Variants in KIF16B observed in about 807,000 individuals in gnomAD.
KIF16B encodes the protein kinesin-like protein KIF16B.
KIF16B carries 98 observed loss-of-function variants against 156.3 expected under a neutral mutation model. That is an observed-to-expected ratio of 0.63 (90% CI 0.53 to 0.74). KIF16B has a LOEUF of 0.74. KIF16B is among the 30% of genes least tolerant of loss of function. The pLI is 0.00. For missense variants in KIF16B, 1,421 were observed against 1,606.5 expected, an observed-to-expected ratio of 0.88 and a Z score of 1.97; for synonymous variants, 564 against 583.7, an observed-to-expected ratio of 0.97 and a Z score of 0.49.
intron 24 of KIF16B, among the ~76,000 whole-genome samples, chr20:16,327,511 C>G (rs2063876716): frequency 1.3e-5 from 2 of 152,048 alleles, no homozygotes; most frequent in South Asian, 4.1e-4. Flanking sequence ...ATGTCTTAAT[C>G]AGTGGTCCAG....
At chr20:16,365,141 G>A (rs1367534542) in intron 22 of KIF16B, among the ~76,000 whole-genome samples, 1 of 151,846 alleles carries the variant, frequency 6.6e-6, no homozygotes, top group African/African-American at 2.4e-5. Flanking sequence ...GACTACTGCA[G>A]TATAACTCTT....
intron 3 of KIF16B, among the ~76,000 whole-genome samples, chr20:16,520,945 G>C (rs906014415): frequency 1.3e-5 from 2 of 152,168 alleles, no homozygotes; most frequent in African/African-American, 4.8e-5. Flanking sequence ...GGGCCTGACT[G>C]TTAGAAGGAA....
At chr20:16,551,950 C>T (rs976352043) in intron 1 of KIF16B, among the ~76,000 whole-genome samples, 4 of 152,132 alleles carry the variant, frequency 2.6e-5, no homozygotes, top group Admixed American at 1.3e-4. Context: ...GGCGTGGGGG[C>T]GCGGAGCTAA....
chr20:16,369,288 G>C (rs1221500569), intron 22 of KIF16B: 2 of 985,682 alleles, frequency 2.0e-6, no homozygotes, highest in Non-Finnish European at 2.4e-6. Flanking sequence ...GTCAAAAAAA[G>C]TTGAAATGGG....
chr20:16,506,157 C>T lies in KIF16B; in HGVS notation c.733G>A (p.Val245Ile), dbSNP rs377708134. The T allele has an allele frequency of 2.9e-5, 47 of 1,613,980 alleles. No individual in the cohort carries two copies. The East Asian group carries it at 3.1e-4, about 11-fold the overall frequency. The change falls in exon 8 of 26, where the codon GTC becomes ATC. Residue 245 changes from valine to isoleucine, a missense_variant. Physicochemically the swap from Val to Ile is conservative, Grantham distance 29 (BLOSUM62 3). Coordinates refer to ENST00000354981, the MANE Select transcript of KIF16B (RefSeq NM_024704.5). ...KFDSEMPCET[V>I]SKIHLVDLAG... is the part of the protein sequence containing the mutation. The stretch of plus-strand genomic sequence containing the variant: ...AGATCAACCAAGTGGATCTTACTGA[C>T]GGTTTCACATGGCATTTCAGAATCA...
intron 1 of KIF16B, among the ~76,000 whole-genome samples, chr20:16,549,665 C>T (rs2070563519): frequency 6.7e-6 from 1 of 150,038 alleles, no homozygotes; most frequent in African/African-American, 2.5e-5. Flanking sequence ...ATCAATGGAA[C>T]AGAACAGAGC....
At chr20:16,311,561 T>C (rs1263368801) in intron 25 of KIF16B, among the ~76,000 whole-genome samples, 3 of 152,184 alleles carry the variant, frequency 2.0e-5, no homozygotes, top group Non-Finnish European at 2.9e-5. Flanking sequence ...GAAAGCTTGC[T>C]AACACTAGGT....
chr20:16,537,446 T>C (rs973363290), intron 1 of KIF16B, among the ~76,000 whole-genome samples: 3 of 152,150 alleles, frequency 2.0e-5, no homozygotes, highest in African/African-American at 7.2e-5. Context: ...ACTCTGCCTG[T>C]CTGGGTTTAT....
At chr20:16,332,315 A>G (rs1048905536) in intron 24 of KIF16B, among the ~76,000 whole-genome samples, 7 of 152,196 alleles carry the variant, frequency 4.6e-5, no homozygotes, top group African/African-American at 1.7e-4. Flanking sequence ...CGAGAACCAC[A>G]TGAGATGCAC....
At chr20:16,340,645 G>T (rs1268615791) in intron 23 of KIF16B, among the ~76,000 whole-genome samples, 1 of 152,174 alleles carries the variant, frequency 6.6e-6, no homozygotes, top group Non-Finnish European at 1.5e-5. Flanking sequence ...AAAGGAACTG[G>T]ACACTCAGCT....
At chr20:16,520,336 A>G (rs763908822) in intron 3 of KIF16B, among the ~76,000 whole-genome samples, 9 of 152,178 alleles carry the variant, frequency 5.9e-5, no homozygotes, top group Non-Finnish European at 1.2e-4. Context: ...GCTTGAGCTT[A>G]GTGGGGGGAG....
At chr20:16,422,250 A>T (rs1276031306) in intron 15 of KIF16B, among the ~76,000 whole-genome samples, 1 of 152,158 alleles carries the variant, frequency 6.6e-6, no homozygotes, top group Non-Finnish European at 1.5e-5. Context: ...AGGTAGAAGG[A>T]TAACCCCAAA....
chr20:16,545,491 C>A (rs2070371563), intron 1 of KIF16B, among the ~76,000 whole-genome samples: 1 of 152,108 alleles, frequency 6.6e-6, no homozygotes, highest in Non-Finnish European at 1.5e-5. Flanking sequence ...ATAGTGAAAC[C>A]CCAACTCTAC....
chr20:16,438,307 C>A (rs144609096), intron 12 of KIF16B, among the ~76,000 whole-genome samples: 23 of 152,222 alleles, frequency 1.5e-4, no homozygotes, highest in Admixed American at 6.5e-5. Context: ...CCAATGTCAA[C>A]TGTGGTCCAA....
At chr20:16,426,171 C>T (rs2066346535) in intron 15 of KIF16B, among the ~76,000 whole-genome samples, 1 of 152,162 alleles carries the variant, frequency 6.6e-6, no homozygotes, top group South Asian at 2.1e-4. Flanking sequence ...CAAAACATAT[C>T]AACAGATGAA....
intron 23 of KIF16B, among the ~76,000 whole-genome samples, chr20:16,336,868 C>T (rs1283916558): frequency 1.3e-5 from 2 of 152,188 alleles, no homozygotes; most frequent in Non-Finnish European, 2.9e-5. Context: ...ATCCTTCCAT[C>T]CTTTGCCATC....
At chr20:16,398,513 TAGAG>T (rs908526104) in intron 17 of KIF16B, among the ~76,000 whole-genome samples, 17 of 152,198 alleles carry the variant, frequency 1.1e-4, no homozygotes, top group African/African-American at 3.9e-4. Context: ...TGCCATCAGA[TAGAG>T]AAAGTCAGGA....
At chr20:16,571,029 T>A (rs2071431230) in intron 1 of KIF16B, among the ~76,000 whole-genome samples, 1 of 152,304 alleles carries the variant, frequency 6.6e-6, no homozygotes, top group East Asian at 1.9e-4. Flanking sequence ...ACACTTCAGA[T>A]AATGAACAAG....
At position 16,355,897 on chromosome 20, in the gene KIF16B, G is replaced by C. The variant is rs190959583; in HGVS notation, c.3621+433C>G. 9.4e-4 allele frequency among the ~76,000 whole-genome samples: 143 copies of C among 152,294 alleles called. 1 individual carries two copies. The highest frequency in any genetic ancestry group is 3.3e-3 in the African/African-American group (137 of 41,564). On this transcript the variant is annotated intron_variant, in intron 23 of 25. Transcript: ENST00000354981. Reference sequence around the variant, plus strand: ...CAGCCACAAGATGCACACTTTATACGCACTGATATTCCTGTGACATAAATA... The same window carrying C: ...CAGCCACAAGATGCACACTTTATACCCACTGATATTCCTGTGACATAAATA...
Sources: gnomAD v4.1 joint callset for allele counts (sites outside exome capture counted in the v4.1 genomes callset) on GRCh38, gnomAD v4.1.1 for gene constraint, MANE v1.5 for transcripts, NCBI Gene and HGNC (gene_info 2026-07-23, HGNC 2026-07-21) for gene names.